Variants in CDH20 observed in about 807,000 individuals in gnomAD.
CDH20 encodes cadherin 20, also known as cadherin-20.
A neutral mutation model predicts 74.2 loss-of-function variants in CDH20; 29 were observed. The ratio of observed to expected loss-of-function variants is 0.39; its 90% CI spans 0.29 to 0.53. The LOEUF is 0.53. CDH20 is among the 20% of genes least tolerant of loss of function. The pLI is 0.69. For synonymous variants in CDH20, 469 were observed against 405.4 expected, an observed-to-expected ratio of 1.16 and a Z score of -1.88; for missense variants, 988 against 1,048.3, an observed-to-expected ratio of 0.94 and a Z score of 0.79.
intron 1 of CDH20, among the ~76,000 whole-genome samples, chr18:61,356,534 A>G (rs957829303): frequency 6.6e-6 from 1 of 152,170 alleles, no homozygotes; most frequent in Non-Finnish European, 1.5e-5. Flanking sequence ...AAAACAATTT[A>G]CCAACCCATA....
intron 1 of CDH20, among the ~76,000 whole-genome samples, chr18:61,393,883 C>T (rs993248652): frequency 6.6e-6 from 1 of 152,136 alleles, no homozygotes; most frequent in Non-Finnish European, 1.5e-5. Context: ...GTTGGCAGAC[C>T]TGCAGCAGGC....
chr18:61,402,482 TC>T lies in CDH20; in HGVS notation c.-153+68658del, dbSNP rs774706652. Among the ~76,000 whole-genome samples, 4 of 152,158 alleles carry T rather than the reference TC, an allele frequency of 2.6e-5. No individual in the cohort carries two copies. The South Asian group carries it at 6.2e-4, about 24-fold the overall frequency. On this transcript the variant is annotated intron_variant, in intron 1 of 11. Coordinates refer to ENST00000262717, the MANE Select transcript of CDH20 (RefSeq NM_031891.4). The stretch of plus-strand genomic sequence containing the variant: ...TAGCAAAACTACTTCATGAAATACA[TC>T]CCTTGATTCCCTAATGTCATCCTCT...
chr18:61,545,180 T>G, intron 10 of CDH20, 36 bp downstream of exon 10: 2 of 1,349,458 alleles, frequency 1.5e-6, no homozygotes, highest in Non-Finnish European at 2.1e-6. Context: ...TGTGCTTTTC[T>G]ACAGCATAGG....
intron 6 of CDH20, among the ~76,000 whole-genome samples, chr18:61,509,301 T>C (rs1414661651): frequency 6.6e-6 from 1 of 152,158 alleles, no homozygotes; most frequent in Non-Finnish European, 1.5e-5. Flanking sequence ...AGACTTACAG[T>C]GAGCAGACTC....
At chr18:61,345,514 G>A (rs1008720429) in intron 1 of CDH20, among the ~76,000 whole-genome samples, 11 of 152,096 alleles carry the variant, frequency 7.2e-5, no homozygotes, top group South Asian at 2.1e-4. Flanking sequence ...TAACTGCCTC[G>A]ATGAACCCCT....
intron 1 of CDH20, among the ~76,000 whole-genome samples, chr18:61,405,988 T>A (rs1912317860): frequency 6.6e-6 from 1 of 152,212 alleles, no homozygotes. Flanking sequence ...CTCCACTTCC[T>A]CCTTCTTGGC....
At chr18:61,391,392 T>C (rs576044374) in intron 1 of CDH20, among the ~76,000 whole-genome samples, 1 of 152,232 alleles carries the variant, frequency 6.6e-6, no homozygotes, top group Admixed American at 6.5e-5. Context: ...TTTCCGAGAG[T>C]TGGTTTGGCA....
intron 1 of CDH20, among the ~76,000 whole-genome samples, chr18:61,357,468 T>A (rs938154323): frequency 6.6e-6 from 1 of 152,158 alleles, no homozygotes; most frequent in African/African-American, 2.4e-5. Flanking sequence ...AACAAAATCA[T>A]TAAGGGGCCA....
intron 1 of CDH20, among the ~76,000 whole-genome samples, chr18:61,418,940 C>T (rs1912787916): frequency 2.0e-5 from 3 of 152,050 alleles, no homozygotes; most frequent in African/African-American, 7.2e-5. Context: ...CTGCAACATG[C>T]TTTTATTTGA....
At chr18:61,480,031 A>G (rs186057655) in intron 1 of CDH20, among the ~76,000 whole-genome samples, 15 of 152,342 alleles carry the variant, frequency 9.8e-5, no homozygotes, top group Admixed American at 5.2e-4. Context: ...TAGAATAAAA[A>G]CATTCTAAAA....
rs73445303 is a variant in CDH20, at chr18:61,353,727, C to G, written c.-153+19900C>G. 6.6e-6 allele frequency among the ~76,000 whole-genome samples: 1 copy of G among 152,032 alleles called. No homozygotes were observed. The highest frequency in any genetic ancestry group is 6.5e-5 in the Admixed American group (1 of 15,280). Reference sequence around the variant, plus strand: ...TCTTGGCCTGCACTAGCCAATACAGCAGCTACTAACTACACAAGGACGTTC... The same window carrying G: ...TCTTGGCCTGCACTAGCCAATACAGGAGCTACTAACTACACAAGGACGTTC... On this transcript the variant is annotated intron_variant, in intron 1 of 11. Transcript: ENST00000262717. The surrounding 1 kb of genome is among the most constrained non-coding windows in gnomAD (Gnocchi z 4.6).
At chr18:61,411,123 C>T (rs1050122260) in intron 1 of CDH20, among the ~76,000 whole-genome samples, 2 of 151,442 alleles carry the variant, frequency 1.3e-5, no homozygotes, top group African/African-American at 2.4e-5. Context: ...TGGCGTGAAC[C>T]GGAAGGCAGA....
At chr18:61,337,116 A>C (rs1909786707) in intron 1 of CDH20, among the ~76,000 whole-genome samples, 1 of 152,216 alleles carries the variant, frequency 6.6e-6, no homozygotes, top group African/African-American at 2.4e-5. Flanking sequence ...AATAAGAGCA[A>C]GAGAGAAATA....
chr18:61,452,530 G>A (rs1173633031), intron 1 of CDH20, among the ~76,000 whole-genome samples: 1 of 152,096 alleles, frequency 6.6e-6, no homozygotes, highest in Non-Finnish European at 1.5e-5. Context: ...GTGAGTTCTT[G>A]AATCCCAAAG....
At chr18:61,497,642 T>A (rs1911219779) in intron 2 of CDH20, among the ~76,000 whole-genome samples, 1 of 152,210 alleles carries the variant, frequency 6.6e-6, no homozygotes, top group African/African-American at 2.4e-5. Flanking sequence ...AGCACTGTGC[T>A]GGGTGCCTCA....
At chr18:61,532,681 C>T (rs546528968) in intron 7 of CDH20, among the ~76,000 whole-genome samples, 13 of 151,976 alleles carry the variant, frequency 8.6e-5, no homozygotes, top group Non-Finnish European at 1.5e-4. Context: ...AATCATAACC[C>T]ACCAAATTGA....
At chr18:61,385,003 C>G (rs190921252) in intron 1 of CDH20, among the ~76,000 whole-genome samples, 1 of 152,008 alleles carries the variant, frequency 6.6e-6, no homozygotes, top group African/African-American at 2.4e-5. Flanking sequence ...CTCCTTTTAC[C>G]GTCTCATTAA....
chr18:61,520,750 A>G (rs139481135), intron 6 of CDH20, among the ~76,000 whole-genome samples: 3 of 151,164 alleles, frequency 2.0e-5, no homozygotes, highest in Non-Finnish European at 2.9e-5. Flanking sequence ...TCAGACCACA[A>G]TGCAATCAAA....
At chr18:61,520,516 A>G (rs1414899261) in intron 6 of CDH20, among the ~76,000 whole-genome samples, 6 of 150,870 alleles carry the variant, frequency 4.0e-5, no homozygotes, top group African/African-American at 1.5e-4. Context: ...TACTGTCAAT[A>G]TTAGTCAGAT....
Sources: allele counts gnomAD v4.1 joint callset (sites outside exome capture counted in the v4.1 genomes callset), GRCh38; gene constraint gnomAD v4.1.1; non-coding constraint Gnocchi (gnomAD v3.1); transcripts MANE v1.5; gene names NCBI Gene and HGNC (gene_info 2026-07-23, HGNC 2026-07-21).